The following WT1 variants were observed in gnomAD, a reference collection of about 807,000 sequenced individuals.
The protein encoded by WT1 is WT1 transcription factor.
WT1 carries 8 observed loss-of-function variants against 60.8 expected under a neutral mutation model. The ratio of observed to expected loss-of-function variants is 0.13; its 90% CI spans 0.08 to 0.24. The LOEUF (loss-of-function observed/expected upper bound fraction) is 0.24, where lower values mean the gene tolerates loss of function less well. Ranked by LOEUF, WT1 falls within the 10% of genes least tolerant of loss-of-function variation. The probability of loss-of-function intolerance (pLI) is 1.00; values close to 1 mark genes in which losing one functional copy is unlikely to be tolerated. For synonymous variants in WT1, 312 were observed against 297.1 expected, an observed-to-expected ratio of 1.05 and a Z score of -0.52; for missense variants, 568 against 711.8, an observed-to-expected ratio of 0.80 and a Z score of 2.30.
chr11:32,407,654 T>C (rs1285682090), intron 5 of WT1, among the ~76,000 whole-genome samples: 1 of 152,106 alleles, frequency 6.6e-6, no homozygotes, highest in East Asian at 1.9e-4. Flanking sequence ...TCAACCCCTC[T>C]TCTCTCCCCA....
intron 1 of WT1, among the ~76,000 whole-genome samples, chr11:32,429,470 C>CT (rs1026662535): frequency 6.7e-6 from 1 of 148,376 alleles, no homozygotes; most frequent in Non-Finnish European, 1.5e-5. Flanking sequence ...ATTCCCCCCC[C>CT]CCCCCAAAGT....
At chr11:32,389,724 T>C (rs147696325) in intron 9 of WT1, among the ~76,000 whole-genome samples, 1 of 152,058 alleles carries the variant, frequency 6.6e-6, no homozygotes, top group African/African-American at 2.4e-5. Context: ...CCAGTTTACA[T>C]GTTATGTGTT....
At chr11:32,394,707 C>G (rs1004213663) in intron 7 of WT1, among the ~76,000 whole-genome samples, 2 of 152,194 alleles carry the variant, frequency 1.3e-5, no homozygotes, top group Non-Finnish European at 2.9e-5. Flanking sequence ...AAATATTGCT[C>G]TCTTTCAAGG....
At chr11:32,427,259 T>C (rs1001538395) in intron 3 of WT1, among the ~76,000 whole-genome samples, 11 of 151,928 alleles carry the variant, frequency 7.2e-5, no homozygotes, top group African/African-American at 2.2e-4. Flanking sequence ...AAGAAAAAAT[T>C]TGGGGGAGAG....
intron 7 of WT1, among the ~76,000 whole-genome samples, chr11:32,394,241 T>A (rs1034018530): frequency 1.4e-4 from 21 of 152,160 alleles, no homozygotes; most frequent in African/African-American, 5.1e-4. Context: ...TTCACCTCTG[T>A]GAGCTGGAGA....
In WT1 at chr11:32,388,963, T is replaced by C; in HGVS notation, c.*95A>G. On this transcript the variant is annotated 3_prime_UTR_variant, in exon 10 of 10. Transcript: ENST00000452863. ...GTTGGATGAAGAAGATCAACTGAAG[T>C]TTCCTTTTTAGTGAGGAGGAGTGGA... The C allele has an allele frequency of 1.3e-6, 2 of 1,598,506 alleles. No homozygotes were observed. Among genetic ancestry groups the C allele is most frequent in the Non-Finnish European group, 1.7e-6 (2 of 1,170,638 alleles).
intron 5 of WT1, among the ~76,000 whole-genome samples, chr11:32,407,353 T>C (rs1358989200): frequency 2.0e-5 from 3 of 152,138 alleles, no homozygotes; most frequent in East Asian, 1.9e-4. Flanking sequence ...TAAAAAGGAA[T>C]TGAGGTTTTA....
intron 7 of WT1, among the ~76,000 whole-genome samples, chr11:32,394,026 G>T (rs1851894215): frequency 6.6e-6 from 1 of 152,162 alleles, no homozygotes; most frequent in Admixed American, 6.5e-5. Context: ...CTGAGTAGCT[G>T]GGACTACAGG....
intron 5 of WT1, among the ~76,000 whole-genome samples, chr11:32,404,478 G>A (rs879858305): frequency 5.3e-5 from 8 of 151,946 alleles, no homozygotes; most frequent in Admixed American, 1.3e-4. Flanking sequence ...GGAAAAGAAC[G>A]GTGAGTCTGG....
intron 1 of WT1, chr11:32,430,787 C>A: frequency 3.1e-6 from 4 of 1,309,418 alleles, no homozygotes; most frequent in Non-Finnish European, 3.9e-6. Flanking sequence ...TCCTTCAGGT[C>A]CCCCCGGGAG....
intron 2 of WT1, 61 bp from the exon 3 acceptor site, chr11:32,428,119 G>T: frequency 6.9e-7 from 1 of 1,442,452 alleles, no homozygotes; most frequent in Non-Finnish European, 9.4e-7. Flanking sequence ...GTGCGAGGCT[G>T]CGGGCAGGGG....
chr11:32,434,626 AGGGG>A, intron 1 of WT1, 70 bp downstream of exon 1: 1 of 1,607,130 alleles, frequency 6.2e-7, no homozygotes, highest in South Asian at 1.1e-5. Context: ...GGGGTAGGAG[AGGGG>A]GGTGTCCTAG....
intron 1 of WT1, chr11:32,430,441 AGAGAGAGAGGGAGG>A: frequency 3.0e-6 from 4 of 1,351,452 alleles, no homozygotes; most frequent in African/African-American, 3.3e-5. Flanking sequence ...ACAGAGAGAG[AGAGAGAGAGGGAGG>A]GAGAGAGAGA....
chr11:32,434,683 C>G lies in WT1; in HGVS notation c.661+17G>C, dbSNP rs766817203. Reference sequence around the variant, plus strand: ...GCCACTGCCCCGCGCGTAGGGGGCGCTCCCCGGCCTACTTACCCTGATTGC... The same window carrying G: ...GCCACTGCCCCGCGCGTAGGGGGCGGTCCCCGGCCTACTTACCCTGATTGC... On this transcript the variant is annotated intron_variant, in intron 1 of 9. Transcript: ENST00000452863. 1 of 1,612,654 alleles carries G rather than the reference C, an allele frequency of 6.2e-7. No homozygotes were observed. The highest frequency in any genetic ancestry group is 8.5e-7 in the Non-Finnish European group (1 of 1,179,918).
At chr11:32,396,910 G>C (rs1851992615) in intron 6 of WT1, among the ~76,000 whole-genome samples, 1 of 152,190 alleles carries the variant, frequency 6.6e-6, no homozygotes, top group Non-Finnish European at 1.5e-5. Flanking sequence ...GATCGTCCAA[G>C]TATAAGTAAA....
At chr11:32,390,251 G>C (rs1478275316) in intron 9 of WT1, among the ~76,000 whole-genome samples, 1 of 152,218 alleles carries the variant, frequency 6.6e-6, no homozygotes, top group African/African-American at 2.4e-5. Context: ...CCTTCTCTGA[G>C]AACTACTGGT....
chr11:32,405,561 A>AT (rs1852282822), intron 5 of WT1, among the ~76,000 whole-genome samples: 2 of 150,658 alleles, frequency 1.3e-5, no homozygotes, highest in Non-Finnish European at 3.0e-5. Flanking sequence ...ATACTTATAC[A>AT]TAAATATATA....
chr11:32,398,901 A>T (rs942541912), intron 6 of WT1, among the ~76,000 whole-genome samples: 3 of 151,800 alleles, frequency 2.0e-5, no homozygotes, highest in East Asian at 1.9e-4. Context: ...TCACGCCTGT[A>T]ATCCCAGCAC....
chr11:32,390,423 C>T (rs1851782175), intron 9 of WT1, among the ~76,000 whole-genome samples: 1 of 152,042 alleles, frequency 6.6e-6, no homozygotes, highest in African/African-American at 2.4e-5. Context: ...ACTTTGCCAC[C>T]GAATTATGAG....
Sources: gnomAD v4.1 joint callset for allele counts (sites outside exome capture counted in the v4.1 genomes callset) on GRCh38, gnomAD v4.1.1 for gene constraint, MANE v1.5 for transcripts, NCBI Gene and HGNC (gene_info 2026-07-23, HGNC 2026-07-21) for gene names.